Variants in CPA6 observed in about 807,000 individuals in gnomAD.
CPA6 encodes the protein carboxypeptidase A6, also known as carboxypeptidase B.
A neutral mutation model predicts 63.3 loss-of-function variants in CPA6; 58 were observed. The observed-to-expected ratio is 0.92, with a 90% confidence interval of 0.74 to 1.14. The LOEUF is 1.14. Among genes scored for constraint, CPA6 ranks in the 50% most tolerant of loss-of-function variants. CPA6 has a pLI of 0.00. For missense variants in CPA6, 565 were observed against 526.6 expected, an observed-to-expected ratio of 1.07 and a Z score of -0.71; for synonymous variants, 185 against 179.0, an observed-to-expected ratio of 1.03 and a Z score of -0.27.
At chr8:67,655,105 G>C (rs1008412502) in intron 1 of CPA6, among the ~76,000 whole-genome samples, 1 of 152,138 alleles carries the variant, frequency 6.6e-6, no homozygotes, top group Non-Finnish European at 1.5e-5. Flanking sequence ...AAATGGTCTG[G>C]AGTGTTTCAA....
At chr8:67,659,967 T>C (rs1816072059) in intron 1 of CPA6, among the ~76,000 whole-genome samples, 1 of 152,190 alleles carries the variant, frequency 6.6e-6, no homozygotes, top group Admixed American at 6.5e-5. Flanking sequence ...ACCTTTAAAA[T>C]ATTATTTCCC....
At position 67,644,247 on chromosome 8, in the gene CPA6, C is replaced by T. The variant is rs368430605; in HGVS notation, c.117-19996G>A. ...CATTCTCCTGCCTCAGCCTCCCGAG[C>T]AGCTGGGACTACAGGCGCCCGCCAC... is the stretch of plus-strand genomic sequence containing the variant. On this transcript the variant is annotated intron_variant, in intron 1 of 10. Transcript: ENST00000297770. Among the ~76,000 whole-genome samples the T allele has an allele frequency of 9.9e-5, 15 of 152,092 alleles. No individual in the cohort carries two copies. The East Asian group carries it at 1.6e-3, about 16-fold the overall frequency.
chr8:67,692,328 CAAA>C (rs55676882), intron 1 of CPA6, among the ~76,000 whole-genome samples: 1,324 of 89,886 alleles, frequency 0.015, 12 homozygotes, highest in African/African-American at 0.04. Flanking sequence ...AATCCTGTCT[CAAA>C]AAAAAAAAAA....
intron 8 of CPA6, among the ~76,000 whole-genome samples, chr8:67,451,335 G>A (rs560103898): frequency 2.6e-5 from 4 of 152,298 alleles, no homozygotes; most frequent in African/African-American, 9.6e-5. Flanking sequence ...TCATAGGAGT[G>A]CGAACCTTAT....
intron 1 of CPA6, among the ~76,000 whole-genome samples, chr8:67,731,884 A>G (rs1563412296): frequency 6.6e-6 from 1 of 152,222 alleles, no homozygotes. Context: ...CTCAAAATGA[A>G]TGATTGAGGA....
intron 1 of CPA6, among the ~76,000 whole-genome samples, chr8:67,669,402 G>T (rs1816296422): frequency 6.6e-6 from 1 of 152,146 alleles, no homozygotes; most frequent in South Asian, 2.1e-4. Flanking sequence ...GTGGTTTGAT[G>T]GTTGATTTGA....
At chr8:67,516,692 T>TTATTGC (rs1454491348) in intron 3 of CPA6, among the ~76,000 whole-genome samples, 2 of 152,244 alleles carry the variant, frequency 1.3e-5, no homozygotes, top group African/African-American at 4.8e-5. Flanking sequence ...ATTGTTCCTT[T>TTATTGC]TATTGCTGGA....
At chr8:67,702,008 T>G (rs891293567) in intron 1 of CPA6, among the ~76,000 whole-genome samples, 3 of 152,212 alleles carry the variant, frequency 2.0e-5, no homozygotes, top group Admixed American at 2.0e-4. Context: ...GTAGGGGCTC[T>G]CCTACTCTCA....
At chr8:67,639,575 C>T (rs992196404) in intron 1 of CPA6, among the ~76,000 whole-genome samples, 10 of 151,576 alleles carry the variant, frequency 6.6e-5, no homozygotes, top group Admixed American at 3.3e-4. Context: ...GTGTGGTGCC[C>T]GGAAGCTTGG....
At chr8:67,740,089 G>T (rs1587742450) in intron 1 of CPA6, among the ~76,000 whole-genome samples, 1 of 152,214 alleles carries the variant, frequency 6.6e-6, no homozygotes, top group South Asian at 2.1e-4. Flanking sequence ...ACATTGTGAA[G>T]AATATAAAAG....
At position 67,499,826 on chromosome 8, in the gene CPA6, T is replaced by C. The variant is rs1251476486; in HGVS notation, c.636+6961A>G. 2.6e-5 allele frequency among the ~76,000 whole-genome samples: 4 copies of C among 152,370 alleles called. No homozygotes were observed. The East Asian group carries it at 7.7e-4, about 29-fold the overall frequency. On this transcript the variant is annotated intron_variant, in intron 6 of 10. Transcript: ENST00000297770. ...TCCAGGTTGCTGCATTTATCAATAATCTGTTCCTTTTAATTGTTGAATAGT... is the reference window on the plus strand; with the variant it reads ...TCCAGGTTGCTGCATTTATCAATAACCTGTTCCTTTTAATTGTTGAATAGT...
rs1441292345 is a variant in CPA6 at position 67,592,970 on chromosome 8, T to C, written c.192+31206A>G. On this transcript the variant is annotated intron_variant, in intron 2 of 10. Transcript: ENST00000297770. ...CTTGCTTTTCTAGCTCTTTTAATTG[T>C]GATTTTAGGGTGTCAATTTTGGATC... 7.6e-3 allele frequency among the ~76,000 whole-genome samples: 1,140 copies of C among 150,924 alleles called. 13 individuals are homozygous for C. Among genetic ancestry groups the C allele is most frequent in the African/African-American group, 0.027 (1,075 of 40,514 alleles).
intron 7 of CPA6, among the ~76,000 whole-genome samples, 183 bp from the exon 8 acceptor site, chr8:67,484,041 T>C (rs1811417816): frequency 6.6e-6 from 1 of 151,830 alleles, no homozygotes; most frequent in Admixed American, 6.6e-5. Context: ...CATGCTCCAA[T>C]TTCTGCTACA....
At chr8:67,469,828 C>A (rs1811015378) in intron 8 of CPA6, among the ~76,000 whole-genome samples, 2 of 152,092 alleles carry the variant, frequency 1.3e-5, no homozygotes, top group South Asian at 4.1e-4. Context: ...CTGTTTATCT[C>A]TTTTCCCTTC....
At chr8:67,492,919 T>C (rs909489588) in intron 6 of CPA6, among the ~76,000 whole-genome samples, 1 of 152,112 alleles carries the variant, frequency 6.6e-6, no homozygotes, top group Non-Finnish European at 1.5e-5. Flanking sequence ...ATGTGAAGAA[T>C]GAAGGAGATT....
intron 1 of CPA6, among the ~76,000 whole-genome samples, chr8:67,686,751 G>A (rs1816717129): frequency 6.6e-6 from 1 of 152,202 alleles, no homozygotes; most frequent in Non-Finnish European, 1.5e-5. Flanking sequence ...TAGGGTACAT[G>A]TCAGCTAAGG....
intron 7 of CPA6, 148 bp from the exon 8 acceptor site, chr8:67,484,006 T>C: frequency 1.5e-6 from 1 of 676,600 alleles, no homozygotes; most frequent in Non-Finnish European, 2.5e-6. Context: ...AAAAGAGCAC[T>C]GGATTAGTAG....
chr8:67,437,929 G>A (rs372247078), intron 8 of CPA6, among the ~76,000 whole-genome samples: 1 of 67,526 alleles, frequency 1.5e-5, no homozygotes, highest in Admixed American at 1.2e-4. Context: ...TCTGGGGGGT[G>A]GGGGGTGATG....
At chr8:67,638,430 A>G (rs1350811871) in intron 1 of CPA6, among the ~76,000 whole-genome samples, 2 of 151,482 alleles carry the variant, frequency 1.3e-5, no homozygotes, top group Non-Finnish European at 2.9e-5. Flanking sequence ...TTAAATTGAT[A>G]TGGTCCAAAA....
Sources: allele counts gnomAD v4.1 joint callset (sites outside exome capture counted in the v4.1 genomes callset), GRCh38; gene constraint gnomAD v4.1.1; transcripts MANE v1.5; gene names NCBI Gene and HGNC (gene_info 2026-07-23, HGNC 2026-07-21).